PRORP: variants seen among roughly 807,000 people sequenced by gnomAD.
PRORP encodes protein only RNase P catalytic subunit, also known as mitochondrial ribonuclease P catalytic subunit.
In PRORP, 51 loss-of-function variants were observed where a neutral mutation model predicts 59.4. That is an observed-to-expected ratio of 0.86 (90% CI 0.69 to 1.08). PRORP has a LOEUF of 1.08. Ranked by LOEUF, PRORP falls within the 50% of genes least tolerant of loss-of-function variation. The probability of loss-of-function intolerance (pLI) is 0.00; values close to 1 mark genes in which losing one functional copy is unlikely to be tolerated. For missense variants in PRORP, 646 were observed against 690.3 expected, an observed-to-expected ratio of 0.94 and a Z score of 0.72; for synonymous variants, 231 against 245.6, an observed-to-expected ratio of 0.94 and a Z score of 0.55.
chr14:35,193,711 G>A (rs572261851), intron 5 of PRORP, among the ~76,000 whole-genome samples: 50 of 150,170 alleles, frequency 3.3e-4, no homozygotes, highest in Admixed American at 2.2e-3. Context: ...TTTCAATAAC[G>A]TTAAAGTGGG....
intron 5 of PRORP, among the ~76,000 whole-genome samples, chr14:35,245,389 T>C (rs1192822939): frequency 6.6e-6 from 1 of 152,184 alleles, no homozygotes; most frequent in African/African-American, 2.4e-5. Context: ...ACGCCTCTAA[T>C]ACCAGCACTT....
intron 4 of PRORP, among the ~76,000 whole-genome samples, chr14:35,136,510 G>T (rs1479547616): frequency 6.9e-6 from 1 of 145,132 alleles, no homozygotes; most frequent in Non-Finnish European, 1.5e-5. Context: ...GAGTAGCTGG[G>T]ATTACAGGCA....
chr14:35,151,898 C>G (rs917203112), intron 4 of PRORP, among the ~76,000 whole-genome samples: 3 of 146,026 alleles, frequency 2.1e-5, no homozygotes, highest in Non-Finnish European at 4.5e-5. Context: ...TCAGTTATCT[C>G]TAATTTTTTT....
At chr14:35,252,499 G>C (rs933975480) in intron 5 of PRORP, among the ~76,000 whole-genome samples, 1 of 152,196 alleles carries the variant, frequency 6.6e-6, no homozygotes, top group Non-Finnish European at 1.5e-5. Context: ...CTGTCTTCCA[G>C]TTGCCTTCTT....
chr14:35,262,210 C>T (rs2050924228), intron 5 of PRORP, among the ~76,000 whole-genome samples: 1 of 151,798 alleles, frequency 6.6e-6, no homozygotes, highest in Non-Finnish European at 1.5e-5. Context: ...TGGGGTCTTG[C>T]TGTGTTGCCC....
intron 4 of PRORP, among the ~76,000 whole-genome samples, chr14:35,171,893 T>C (rs777026544): frequency 9.2e-5 from 14 of 152,170 alleles, no homozygotes; most frequent in Non-Finnish European, 1.6e-4. Flanking sequence ...TGACTCTTTC[T>C]TCTGCCATCT....
At chr14:35,153,957 TTATAAA>T (rs1174498222) in intron 4 of PRORP, among the ~76,000 whole-genome samples, 3 of 152,236 alleles carry the variant, frequency 2.0e-5, no homozygotes, top group African/African-American at 7.2e-5. Flanking sequence ...TATGAGTACT[TTATAAA>T]TATTAACTAA....
chr14:35,240,530 G>T (rs1164953865), intron 5 of PRORP, among the ~76,000 whole-genome samples: 1 of 152,146 alleles, frequency 6.6e-6, no homozygotes, highest in Non-Finnish European at 1.5e-5. Context: ...CAGGTGAAAA[G>T]AACCAACATT....
intron 5 of PRORP, among the ~76,000 whole-genome samples, chr14:35,258,601 G>A (rs1017123184): frequency 2.6e-5 from 4 of 152,004 alleles, no homozygotes; most frequent in Admixed American, 2.6e-4. Context: ...TATCAGTAAG[G>A]GAAAGTATCA....
At chr14:35,152,159 A>G (rs2047772955) in intron 4 of PRORP, among the ~76,000 whole-genome samples, 1 of 152,150 alleles carries the variant, frequency 6.6e-6, no homozygotes, top group Non-Finnish European at 1.5e-5. Context: ...GCCTTCAAGC[A>G]TCTGTTTAAC....
intron 5 of PRORP, among the ~76,000 whole-genome samples, chr14:35,253,353 G>GAA: frequency 7.0e-6 from 1 of 143,756 alleles, no homozygotes; most frequent in African/African-American, 2.6e-5. Flanking sequence ...AAGAGAGAGA[G>GAA]AGAGAAAGAA....
Position 35,277,351 on chromosome 14 carries a change from T to TC in PRORP, c.*3787dup, listed in dbSNP as rs1387397616. The stretch of plus-strand genomic sequence containing the variant: ...TGAAATGAGGCATCTCTATCTATAG[T>TC]CCAGCAGCCCTACAGGAGGCAGGAG... On this transcript the variant is annotated 3_prime_UTR_variant, in exon 8 of 8. Coordinates refer to ENST00000534898, the MANE Select transcript of PRORP (RefSeq NM_014672.4). The TC allele has an allele frequency of 2.6e-5, 4 of 152,320 alleles. No homozygotes were observed. The highest frequency in any genetic ancestry group is 2.9e-5 in the Non-Finnish European group (2 of 68,176). The allele number at this position is 152,320 out of a possible 1,614,324, so 9.4% of individuals were successfully genotyped here.
intron 5 of PRORP, among the ~76,000 whole-genome samples, chr14:35,199,154 G>A (rs1025042315): frequency 6.6e-6 from 1 of 151,532 alleles, no homozygotes; most frequent in African/African-American, 2.4e-5. Flanking sequence ...GGCAACAAGA[G>A]TGAAACTCCT....
chr14:35,253,793 T>C (rs754265581), intron 5 of PRORP, among the ~76,000 whole-genome samples: 1 of 152,078 alleles, frequency 6.6e-6, no homozygotes, highest in Non-Finnish European at 1.5e-5. Context: ...GACCACTGTC[T>C]CCTGGGTTTT....
At chr14:35,129,978 C>G (rs2047195921) in intron 4 of PRORP, among the ~76,000 whole-genome samples, 1 of 150,686 alleles carries the variant, frequency 6.6e-6, no homozygotes, top group Non-Finnish European at 1.5e-5. Flanking sequence ...CTATCAATGT[C>G]TTGAAAAGTT....
At chr14:35,185,023 A>C (rs917134012) in intron 5 of PRORP, among the ~76,000 whole-genome samples, 8 of 152,100 alleles carry the variant, frequency 5.3e-5, no homozygotes, top group African/African-American at 1.9e-4. Context: ...ATTTCTACTC[A>C]TCTGGGTATA....
intron 7 of PRORP, 40 bp from the exon 8 acceptor site, chr14:35,273,395 G>A: frequency 6.3e-7 from 1 of 1,579,516 alleles, no homozygotes; most frequent in Non-Finnish European, 8.6e-7. Flanking sequence ...TAGCCCTTTA[G>A]TGTTGTTCTC....
At chr14:35,150,633 G>T (rs570953803) in intron 4 of PRORP, among the ~76,000 whole-genome samples, 51 of 152,272 alleles carry the variant, frequency 3.3e-4, no homozygotes, top group African/African-American at 1.2e-3. Context: ...AATTCTACCA[G>T]CTGGGATCCA....
rs1316831883 is a variant in PRORP at position 35,277,582 on chromosome 14, A to G, written c.*4016A>G. The G allele has an allele frequency of 6.6e-6, 1 of 152,194 alleles. No individual in the cohort carries two copies. The highest frequency in any genetic ancestry group is 2.4e-5 in the African/African-American group (1 of 41,462). The allele number at this position is 152,194 out of a possible 1,614,324, so 9.4% of individuals were successfully genotyped here. On this transcript the variant is annotated 3_prime_UTR_variant, in exon 8 of 8. Coordinates refer to ENST00000534898, the MANE Select transcript of PRORP (RefSeq NM_014672.4). ...GGATGAAAATACAAGAGACAGGAAC[A>G]CAGATGAATAAATGTAATAAAATTT...
Sources: allele counts gnomAD v4.1 joint callset (sites outside exome capture counted in the v4.1 genomes callset), GRCh38; gene constraint gnomAD v4.1.1; transcripts MANE v1.5; gene names NCBI Gene and HGNC (gene_info 2026-07-23, HGNC 2026-07-21).